MINDY3: variants seen among roughly 807,000 people sequenced by gnomAD.
MINDY3 encodes ubiquitin carboxyl-terminal hydrolase MINDY-3.
MINDY3 carries 38 observed loss-of-function variants against 69.2 expected under a neutral mutation model. That is an observed-to-expected ratio of 0.55 (90% CI 0.42 to 0.72). MINDY3 has a LOEUF of 0.72. Among genes scored for constraint, MINDY3 ranks in the 30% least tolerant of loss-of-function variants. The pLI is 0.00. For synonymous variants in MINDY3, 192 were observed against 180.1 expected, an observed-to-expected ratio of 1.07 and a Z score of -0.53; for missense variants, 522 against 519.0, an observed-to-expected ratio of 1.01 and a Z score of -0.06.
Position 15,790,137 on chromosome 10 carries a change from G to A in MINDY3, c.956-818C>T, listed in dbSNP as rs146635937. Among the ~76,000 whole-genome samples the A allele has an allele frequency of 3.0e-4, 46 of 152,170 alleles. No homozygotes were observed. The East Asian group carries it at 7.5e-3, about 25-fold the overall frequency. ...AAAATCTTGCCATGGAGAACAAGAT[G>A]TCCAAAAGCCCTGCTCCTATAATCA... On this transcript the variant is annotated intron_variant, in intron 11 of 14. Coordinates refer to ENST00000277632, the MANE Select transcript of MINDY3 (RefSeq NM_024948.4).
At chr10:15,821,755 A>G (rs1449953194) in intron 8 of MINDY3, 29 bp from the exon 9 acceptor site, 1 of 1,588,510 alleles carries the variant, frequency 6.3e-7, no homozygotes, top group Non-Finnish European at 8.6e-7. Flanking sequence ...ACAACAAAAA[A>G]CGAAAACTTA....
At chr10:15,810,953 T>C (rs900004815) in intron 10 of MINDY3, among the ~76,000 whole-genome samples, 23 of 152,134 alleles carry the variant, frequency 1.5e-4, no homozygotes, top group African/African-American at 5.6e-4. Flanking sequence ...AGATGCTCAT[T>C]AGTCATTAGG....
At chr10:15,802,209 C>T (rs1485515783) in intron 10 of MINDY3, among the ~76,000 whole-genome samples, 1 of 151,966 alleles carries the variant, frequency 6.6e-6, no homozygotes, top group East Asian at 1.9e-4. Flanking sequence ...ACCCCAACTC[C>T]CATGTTACTC....
chr10:15,828,050 T>C (rs1230026505), intron 8 of MINDY3, among the ~76,000 whole-genome samples: 1 of 152,184 alleles, frequency 6.6e-6, no homozygotes, highest in African/African-American at 2.4e-5. Context: ...AGTTAAACCT[T>C]ATGAGTTACC....
intron 11 of MINDY3, 144 bp from the exon 12 acceptor site, chr10:15,789,463 AG>A: frequency 1.7e-6 from 1 of 579,402 alleles, no homozygotes; most frequent in Non-Finnish European, 3.1e-6. Flanking sequence ...TTTTAGGCAT[AG>A]TGCCTATTGC....
intron 3 of MINDY3, among the ~76,000 whole-genome samples, chr10:15,842,719 GTTA>G (rs1002632693): frequency 6.6e-6 from 1 of 151,714 alleles, no homozygotes; most frequent in Non-Finnish European, 1.5e-5. Context: ...GCAAATTCTT[GTTA>G]TTATAAGGTG....
At chr10:15,783,223 T>C (rs762131560) in intron 13 of MINDY3, among the ~76,000 whole-genome samples, 15 of 152,178 alleles carry the variant, frequency 9.9e-5, no homozygotes, top group Non-Finnish European at 1.8e-4. Context: ...TTCCCGGTGC[T>C]TGCTTCTTCA....
intron 6 of MINDY3, among the ~76,000 whole-genome samples, chr10:15,835,203 T>C (rs1832993836): frequency 6.6e-6 from 1 of 152,058 alleles, no homozygotes; most frequent in Admixed American, 6.6e-5. Flanking sequence ...AATTTCCTGA[T>C]ACTTTTTAAA....
chr10:15,820,277 G>A (rs998001481), intron 9 of MINDY3, among the ~76,000 whole-genome samples: 11 of 152,058 alleles, frequency 7.2e-5, no homozygotes, highest in Middle Eastern at 3.2e-3. Context: ...GAGAGGGCTC[G>A]GCGTGTCTGG....
Position 15,841,562 on chromosome 10 carries a change from A to G in MINDY3, c.273T>C (p.Cys91=), listed in dbSNP as rs1366446335. 6.2e-7 allele frequency: 1 copy of G among 1,610,958 alleles called. No individual in the cohort carries two copies. Among genetic ancestry groups the G allele is most frequent in the Non-Finnish European group, 8.5e-7 (1 of 1,178,144 alleles). Residue 91 remains cysteine, a synonymous_variant, in exon 4 of 15, where the codon TGT becomes TGC. Transcript: ENST00000277632. ...CACAACAAGCACTTTCTAAAATATC[A>G]CACAAGGTATGACAAAGGAGTTCCT... is the stretch of plus-strand genomic sequence containing the variant. The part of the protein sequence containing the change: ...EQKELLCHTL[C]DILESACCDH...
intron 6 of MINDY3, among the ~76,000 whole-genome samples, chr10:15,835,339 T>C (rs1833003290): frequency 6.6e-6 from 1 of 152,118 alleles, no homozygotes. Flanking sequence ...TCTATTCACT[T>C]AACTTTAGCC....
chr10:15,811,256 TGAGA>T (rs1838978459), intron 10 of MINDY3, among the ~76,000 whole-genome samples: 1 of 152,154 alleles, frequency 6.6e-6, no homozygotes, highest in South Asian at 2.1e-4. Flanking sequence ...ATTTTTTTTC[TGAGA>T]AAGAAAAATG....
Position 15,798,464 on chromosome 10 carries a change from GT to G in MINDY3, c.883-2293del, listed in dbSNP as rs35810825. ...GATGCCTTGTCTCTAAGTGCCAAGT[GT>G]TTTTTTTTTTTTTTTAAATACTCTG... On this transcript the variant is annotated intron_variant, in intron 10 of 14. Transcript: ENST00000277632. Among the ~76,000 whole-genome samples, 278 of 141,662 alleles carry G rather than the reference GT, an allele frequency of 2.0e-3. 1 individual carries two copies. The highest frequency in any genetic ancestry group is 2.5e-3 in the East Asian group (12 of 4,816). The allele number at this position is 141,662 out of a possible 152,430, so 92.9% of individuals were successfully genotyped here. A position where few individuals can be genotyped will look rare whatever the true frequency, so the allele number is the denominator to read the frequency against.
At chr10:15,839,990 G>C (rs1290654615) in intron 4 of MINDY3, among the ~76,000 whole-genome samples, 27 of 151,718 alleles carry the variant, frequency 1.8e-4, no homozygotes. Flanking sequence ...TATCACCACA[G>C]AACTGCATAG....
At chr10:15,791,451 T>G (rs1324171209) in intron 11 of MINDY3, among the ~76,000 whole-genome samples, 1 of 151,910 alleles carries the variant, frequency 6.6e-6, no homozygotes, top group Non-Finnish European at 1.5e-5. Context: ...CAAGCAGATC[T>G]ATGAAGAACT....
chr10:15,781,714 C>A (rs1836546167), intron 14 of MINDY3, among the ~76,000 whole-genome samples: 1 of 152,112 alleles, frequency 6.6e-6, no homozygotes, highest in Admixed American at 6.6e-5. Flanking sequence ...TGCTGTGAAA[C>A]TTAAGCAAAG....
chr10:15,808,977 T>C (rs1361863129), intron 10 of MINDY3, among the ~76,000 whole-genome samples: 1 of 152,130 alleles, frequency 6.6e-6, no homozygotes, highest in East Asian at 1.9e-4. Context: ...AAAAAAGGCA[T>C]TTATTATGTC....
intron 8 of MINDY3, among the ~76,000 whole-genome samples, chr10:15,827,712 GAAAAT>G (rs1840187611): frequency 6.6e-6 from 1 of 151,978 alleles, no homozygotes; most frequent in South Asian, 2.1e-4. Context: ...CTGAACAAAA[GAAAAT>G]AACTCCTCCT....
At chr10:15,837,718 C>T (rs1833185094) in intron 5 of MINDY3, 1 of 1,063,914 alleles carries the variant, frequency 9.4e-7, no homozygotes, top group Non-Finnish European at 1.1e-6. Flanking sequence ...CCAAAGATAA[C>T]TTACACATTT....
Sources: allele counts gnomAD v4.1 joint callset (sites outside exome capture counted in the v4.1 genomes callset), GRCh38; gene constraint gnomAD v4.1.1; transcripts MANE v1.5; gene names NCBI Gene and HGNC (gene_info 2026-07-23, HGNC 2026-07-21).